ADAMTS12: variants seen among roughly 807,000 people sequenced by gnomAD.
ADAMTS12 encodes A disintegrin and metalloproteinase with thrombospondin motifs 12.
Under a neutral mutation model 167.8 loss-of-function variants are expected in ADAMTS12, and 118 were observed. The observed-to-expected ratio is 0.70, with a 90% CI of 0.61 to 0.82. The LOEUF (loss-of-function observed/expected upper bound fraction) is 0.82, where lower values mean the gene tolerates loss of function less well. Among genes scored for constraint, ADAMTS12 ranks in the 40% least tolerant of loss-of-function variants. ADAMTS12 has a pLI of 0.00. For missense variants in ADAMTS12, 1,916 were observed against 1,998.8 expected, an observed-to-expected ratio of 0.96 and a Z score of 0.79; for synonymous variants, 704 against 716.9, an observed-to-expected ratio of 0.98 and a Z score of 0.29.
rs566295970 is a variant in ADAMTS12, at chr5:33,617,411, C to T, written c.2144-1339G>A. On this transcript the variant is annotated intron_variant, in intron 14 of 23. Coordinates refer to ENST00000504830, the MANE Select transcript of ADAMTS12 (RefSeq NM_030955.4). ...TCCTAGGGGTCAAACTGTGGCCTGT[C>T]CAGCAAGAATAATTTGCTCTGAAAC... Among the ~76,000 whole-genome samples, 14 of 152,204 alleles carry T rather than the reference C, an allele frequency of 9.2e-5. No individual in the cohort carries two copies. The South Asian group carries it at 2.9e-3, about 32-fold the overall frequency.
chr5:33,633,609 G>T (rs1190725356), intron 12 of ADAMTS12, among the ~76,000 whole-genome samples: 1 of 152,052 alleles, frequency 6.6e-6, no homozygotes, highest in Non-Finnish European at 1.5e-5. Context: ...TGAGCCTGAA[G>T]TCCTCCTCTG....
intron 2 of ADAMTS12, among the ~76,000 whole-genome samples, chr5:33,854,333 G>A (rs1009533932): frequency 6.6e-6 from 1 of 152,140 alleles, no homozygotes; most frequent in African/African-American, 2.4e-5. Flanking sequence ...GGGAGGCTCT[G>A]GACACCTAGT....
chr5:33,648,772 C>G, intron 9 of ADAMTS12, 50 bp downstream of exon 9: 1 of 1,606,134 alleles, frequency 6.2e-7, no homozygotes, highest in Non-Finnish European at 8.5e-7. Context: ...CTTCCTTCAG[C>G]ATGCTGGAGA....
intron 2 of ADAMTS12, among the ~76,000 whole-genome samples, chr5:33,818,204 T>C (rs1385493466): frequency 1.6e-4 from 25 of 152,038 alleles, no homozygotes; most frequent in Non-Finnish European, 2.4e-4. Context: ...ACATTAGATC[T>C]CTAAACTATT....
At chr5:33,780,795 T>C (rs539874367) in intron 2 of ADAMTS12, among the ~76,000 whole-genome samples, 4 of 152,282 alleles carry the variant, frequency 2.6e-5, no homozygotes, top group Admixed American at 6.5e-5. Context: ...TTTCCTTTTA[T>C]AGCTCTCTCG....
chr5:33,889,018 G>C (rs375408212), intron 1 of ADAMTS12, among the ~76,000 whole-genome samples: 2 of 152,306 alleles, frequency 1.3e-5, no homozygotes, highest in East Asian at 3.9e-4. Flanking sequence ...AAAAGGTAAT[G>C]TAGTGTCTGA....
chr5:33,821,618 C>G (rs538642815), intron 2 of ADAMTS12, among the ~76,000 whole-genome samples: 1 of 152,104 alleles, frequency 6.6e-6, no homozygotes, highest in Non-Finnish European at 1.5e-5. Flanking sequence ...AGGCATCTCC[C>G]CACTCTCTAA....
intron 3 of ADAMTS12, among the ~76,000 whole-genome samples, chr5:33,705,785 G>A (rs1041264602): frequency 6.6e-6 from 1 of 151,708 alleles, no homozygotes; most frequent in Non-Finnish European, 1.5e-5. Context: ...CTCCAGCCTG[G>A]GCAACAGAGC....
intron 2 of ADAMTS12, among the ~76,000 whole-genome samples, chr5:33,756,974 G>A (rs1199071716): frequency 2.6e-5 from 4 of 152,192 alleles, no homozygotes; most frequent in African/African-American, 9.7e-5. Flanking sequence ...CAGAGAAGCT[G>A]AATTTTTAAT....
At chr5:33,770,255 A>G (rs758466150) in intron 2 of ADAMTS12, among the ~76,000 whole-genome samples, 3 of 152,184 alleles carry the variant, frequency 2.0e-5, no homozygotes, top group Non-Finnish European at 4.4e-5. Context: ...TGACTATAGA[A>G]AAACTTGAAA....
At chr5:33,556,415 A>T (rs773089897) in intron 20 of ADAMTS12, among the ~76,000 whole-genome samples, 3 of 152,204 alleles carry the variant, frequency 2.0e-5, no homozygotes, top group Non-Finnish European at 4.4e-5. Context: ...CCACTGTGAT[A>T]AACTACTTGC....
In ADAMTS12 at chr5:33,688,301, C is replaced by A. The variant is rs78271987; in HGVS notation, c.635-4246G>T. On this transcript the variant is annotated intron_variant, in intron 3 of 23. Coordinates refer to ENST00000504830, the MANE Select transcript of ADAMTS12 (RefSeq NM_030955.4). ...ACATGTTTGTTTCAAGCAGAGAAAT[C>A]CAGCCAAACGGGCAGCTTAAGCAAG... Among the ~76,000 whole-genome samples the A allele has an allele frequency of 7.1e-3, 1,088 of 152,182 alleles. 61 individuals are homozygous for A. The East Asian group carries it at 0.14, about 20-fold the overall frequency.
At chr5:33,644,599 C>A (rs1232609229) in intron 9 of ADAMTS12, among the ~76,000 whole-genome samples, 2 of 152,004 alleles carry the variant, frequency 1.3e-5, no homozygotes, top group African/African-American at 4.8e-5. Flanking sequence ...ATTTTATTAT[C>A]CCTATATAAA....
At chr5:33,738,104 G>A (rs757516079) in intron 3 of ADAMTS12, among the ~76,000 whole-genome samples, 35 of 152,104 alleles carry the variant, frequency 2.3e-4, no homozygotes, top group Non-Finnish European at 4.6e-4. Context: ...GAAGTTTTAA[G>A]GAAGATTGCC....
At chr5:33,719,811 G>A (rs1414473634) in intron 3 of ADAMTS12, among the ~76,000 whole-genome samples, 1 of 152,170 alleles carries the variant, frequency 6.6e-6, no homozygotes, top group Admixed American at 6.5e-5. Flanking sequence ...TACTATAACA[G>A]ATGGATGCTG....
At chr5:33,550,290 G>C (rs1205732598) in intron 20 of ADAMTS12, among the ~76,000 whole-genome samples, 1 of 152,198 alleles carries the variant, frequency 6.6e-6, no homozygotes, top group African/African-American at 2.4e-5. Flanking sequence ...GACCTACAAA[G>C]ATTTTATCTG....
chr5:33,697,606 C>T (rs1056259176), intron 3 of ADAMTS12, among the ~76,000 whole-genome samples: 8 of 152,002 alleles, frequency 5.3e-5, no homozygotes, highest in African/African-American at 1.9e-4. Flanking sequence ...TTGTTAGATG[C>T]CCAGACACAA....
chr5:33,631,236 G>C (rs1442470251), intron 12 of ADAMTS12, among the ~76,000 whole-genome samples: 1 of 152,126 alleles, frequency 6.6e-6, no homozygotes, highest in East Asian at 1.9e-4. Context: ...ATAAGGCACT[G>C]GGCATCTGGG....
chr5:33,707,127 T>A (rs1170980963), intron 3 of ADAMTS12, among the ~76,000 whole-genome samples: 1 of 152,094 alleles, frequency 6.6e-6, no homozygotes, highest in Non-Finnish European at 1.5e-5. Context: ...AAAATCAACG[T>A]GCAAAAATCA....
Sources: allele counts gnomAD v4.1 joint callset (sites outside exome capture counted in the v4.1 genomes callset), GRCh38; gene constraint gnomAD v4.1.1; transcripts MANE v1.5; gene names NCBI Gene and HGNC (gene_info 2026-07-23, HGNC 2026-07-21).